The following PPARG variants were observed in gnomAD, a reference collection of about 807,000 sequenced individuals.
The protein encoded by PPARG is peroxisome proliferator-activated receptor gamma.
PPARG carries 17 observed loss-of-function variants against 39.2 expected under a neutral mutation model. That is an observed-to-expected ratio of 0.43 (90% CI 0.30 to 0.65). The LOEUF (loss-of-function observed/expected upper bound fraction) is 0.65, where lower values mean the gene tolerates loss of function less well. PPARG is among the 30% of genes least tolerant of loss of function. The probability of loss-of-function intolerance (pLI) is 0.13; values close to 1 mark genes in which losing one functional copy is unlikely to be tolerated. For synonymous variants in PPARG, 223 were observed against 215.7 expected (o/e 1.03, Z -0.30); for missense variants, 406 against 585.9 (o/e 0.69, Z 3.17).
At chr3:12,391,001 G>T (rs1290900258) in intron 4 of PPARG, among the ~76,000 whole-genome samples, 1 of 152,044 alleles carries the variant, frequency 6.6e-6, no homozygotes, top group Non-Finnish European at 1.5e-5. Context: ...TGAGAATAAT[G>T]ATTACTTTGT....
chr3:12,379,910 C>G lies in PPARG; in HGVS notation c.199C>G (p.Leu67Val), dbSNP rs1427549233. The G allele has an allele frequency of 5.0e-6, 8 of 1,609,078 alleles. No individual in the cohort carries two copies. Among genetic ancestry groups the G allele is most frequent in the East Asian group, 4.5e-5 (2 of 44,826 alleles). ...DPVVADYKYD[L>V]KLQEYQSAIK... ...AGTGGTTGCAGATTACAAGTATGAC[C>G]TGAAACTTCAAGAGTACCAAAGTAT... The change falls in exon 3 of 8, where the codon CTG (leucine) becomes GTG (valine). Residue 67 changes from leucine (L) to valine (V), a missense_variant. Physicochemically the swap from Leu to Val is conservative, Grantham distance 32. Around this residue, in one of 2 missense-constraint regions of PPARG, gnomAD observed 131 missense variants for 127.9 expected, o/e 1.02. Transcript: ENST00000651735.
At chr3:12,360,539 C>G (rs904974713) in intron 2 of PPARG, among the ~76,000 whole-genome samples, 2 of 134,882 alleles carry the variant, frequency 1.5e-5, no homozygotes, top group African/African-American at 5.5e-5. Flanking sequence ...AAATCATTTT[C>G]ACAAGTGAAC....
At chr3:12,398,779 A>C (rs1231838300) in intron 5 of PPARG, among the ~76,000 whole-genome samples, 1 of 152,270 alleles carries the variant, frequency 6.6e-6, no homozygotes, top group African/African-American at 2.4e-5. Context: ...TTGAGAACTT[A>C]GAAGAGGCCA....
At chr3:12,390,381 A>G (rs1559520557) in intron 4 of PPARG, among the ~76,000 whole-genome samples, 1 of 152,156 alleles carries the variant, frequency 6.6e-6, no homozygotes, top group Non-Finnish European at 1.5e-5. Flanking sequence ...TGATATTTCA[A>G]ACGTCCATCT....
intron 2 of PPARG, among the ~76,000 whole-genome samples, chr3:12,364,273 G>A (rs1003636124): frequency 5.3e-5 from 8 of 152,050 alleles, no homozygotes; most frequent in African/African-American, 1.9e-4. Context: ...ATAGTTTTGC[G>A]CTTCCCAGAA....
chr3:12,430,475 G>T (rs1258602470), intron 7 of PPARG, among the ~76,000 whole-genome samples: 1 of 152,240 alleles, frequency 6.6e-6, no homozygotes, highest in Non-Finnish European at 1.5e-5. Context: ...CCAAATGTCA[G>T]CTCTGCATTT....
At chr3:12,359,332 GAA>G (rs1285238321) in intron 2 of PPARG, among the ~76,000 whole-genome samples, 1 of 152,162 alleles carries the variant, frequency 6.6e-6, no homozygotes, top group Non-Finnish European at 1.5e-5. Context: ...TTGGAAAAGA[GAA>G]ACACACTAGT....
rs762280243 is a variant in PPARG, at chr3:12,379,767, A to C, written c.56A>C (p.Asp19Ala). 6.2e-7 allele frequency: 1 copy of C among 1,614,016 alleles called. No homozygotes were observed. Among genetic ancestry groups the C allele is most frequent in the Admixed American group, 1.7e-5 (1 of 59,996 alleles). The change falls in exon 3 of 8, where the codon GAT becomes GCT. Residue 19 changes from aspartate to alanine, a missense_variant. This residue lies in a region of PPARG where 131 missense variants were observed against 127.9 expected (regional missense o/e 1.02). Transcript: ENST00000651735. Reference sequence around the variant, plus strand: ...ACCAACTTTGGGATCAGCTCCGTGGATCTCTCCGTAATGGAAGACCACTCC... The same window carrying C: ...ACCAACTTTGGGATCAGCTCCGTGGCTCTCTCCGTAATGGAAGACCACTCC... Reference protein sequence around the residue: ...WPTNFGISSVDLSVMEDHSHS... With the variant: ...WPTNFGISSVALSVMEDHSHS...
At chr3:12,352,902 T>A (rs1483335497) in intron 2 of PPARG, among the ~76,000 whole-genome samples, 1 of 152,266 alleles carries the variant, frequency 6.6e-6, no homozygotes, top group Non-Finnish European at 1.5e-5. Flanking sequence ...ATTGTTGCTA[T>A]CTTTCTTCAG....
At chr3:12,397,572 G>A (rs1052482246) in intron 5 of PPARG, among the ~76,000 whole-genome samples, 3 of 151,502 alleles carry the variant, frequency 2.0e-5, no homozygotes, top group South Asian at 2.1e-4. Context: ...CACCATGCCC[G>A]GCTAATTTTT....
At chr3:12,368,534 A>C (rs978228979) in intron 2 of PPARG, among the ~76,000 whole-genome samples, 1 of 152,164 alleles carries the variant, frequency 6.6e-6, no homozygotes, top group African/African-American at 2.4e-5. Flanking sequence ...CTATATTCAG[A>C]GAAACCATGA....
At chr3:12,335,070 T>A (rs1315514784) in intron 2 of PPARG, among the ~76,000 whole-genome samples, 2 of 152,232 alleles carry the variant, frequency 1.3e-5, no homozygotes, top group African/African-American at 4.8e-5. Flanking sequence ...GGTAGTTTAA[T>A]GCATTTACTT....
Position 12,430,136 on chromosome 3 carries a change from T to C in PPARG, c.1181-3762T>C, listed in dbSNP as rs191742755. ...CCATCTCACATTGTTCTCTTGAGCC[T>C]TATCTCAATGGATAAAGGTCACTAG... On this transcript the variant is annotated intron_variant, in intron 7 of 7. Coordinates refer to ENST00000651735, the MANE Select transcript of PPARG (RefSeq NM_138711.6). Among the ~76,000 whole-genome samples the C allele has an allele frequency of 9.3e-3, 1,417 of 152,362 alleles. 26 individuals carry two copies. Among genetic ancestry groups the C allele is most frequent in the African/African-American group, 0.029 (1,204 of 41,586 alleles).
intron 4 of PPARG, 65 bp downstream of exon 4, chr3:12,381,556 CT>C: frequency 6.6e-7 from 1 of 1,511,604 alleles, no homozygotes; most frequent in Non-Finnish European, 9.1e-7. Flanking sequence ...AGCAGAACCC[CT>C]TTTTTAGGTG....
At chr3:12,319,829 C>T (rs942075669) in intron 2 of PPARG, among the ~76,000 whole-genome samples, 2 of 151,946 alleles carry the variant, frequency 1.3e-5, no homozygotes, top group Non-Finnish European at 2.9e-5. Context: ...AGTTTCCTTA[C>T]CTGTTAAGTA....
intron 2 of PPARG, among the ~76,000 whole-genome samples, chr3:12,321,148 C>G (rs1483407259): frequency 6.6e-6 from 1 of 152,138 alleles, no homozygotes; most frequent in Non-Finnish European, 1.5e-5. Context: ...AGCAGTCACC[C>G]CTTTAAAATG....
chr3:12,332,716 A>G (rs955632015), intron 2 of PPARG, among the ~76,000 whole-genome samples: 7 of 152,174 alleles, frequency 4.6e-5, no homozygotes, highest in Non-Finnish European at 1.0e-4. Flanking sequence ...TACCATTGCA[A>G]GTAGACATGT....
At chr3:12,320,970 C>A (rs1237091716) in intron 2 of PPARG, among the ~76,000 whole-genome samples, 1 of 152,170 alleles carries the variant, frequency 6.6e-6, no homozygotes, top group African/African-American at 2.4e-5. Flanking sequence ...GATTCAATAT[C>A]TTTTTAATAT....
chr3:12,298,554 T>C (rs2046852709), intron 1 of PPARG, among the ~76,000 whole-genome samples: 1 of 152,124 alleles, frequency 6.6e-6, no homozygotes, highest in Non-Finnish European at 1.5e-5. Flanking sequence ...TCACTTTCTT[T>C]GGGACTTCTT....
Sources: gnomAD v4.1 joint callset for allele counts (sites outside exome capture counted in the v4.1 genomes callset) on GRCh38, gnomAD v4.1.1 for gene constraint, gnomAD v4.1.1 regional missense constraint, MANE v1.5 for transcripts, NCBI Gene and HGNC (gene_info 2026-07-23, HGNC 2026-07-21) for gene names.